Variants in CADM2 observed in about 807,000 individuals in gnomAD.
CADM2 encodes immunoglobulin superfamily member 4D.
A neutral mutation model predicts 49.8 loss-of-function variants in CADM2; 12 were observed. The observed-to-expected ratio is 0.24, with a 90% CI of 0.15 to 0.39. CADM2 has a LOEUF of 0.39. Among genes scored for constraint, CADM2 ranks in the 10% least tolerant of loss-of-function variants. The pLI, the probability that CADM2 is intolerant of heterozygous loss-of-function variation, is 1.00. For synonymous variants in CADM2, 214 were observed against 175.4 expected (o/e 1.22, Z -1.74); for missense variants, 378 against 492.3 (o/e 0.77, Z 2.20).
intron 3 of CADM2, among the ~76,000 whole-genome samples, chr3:85,870,390 G>A (rs1252804260): frequency 6.6e-6 from 1 of 151,806 alleles, no homozygotes; most frequent in African/African-American, 2.4e-5. Flanking sequence ...ATTTTTTCCT[G>A]ATTTCTCCTT....
chr3:85,973,644 A>G (rs1019066057), intron 8 of CADM2, among the ~76,000 whole-genome samples: 1 of 151,804 alleles, frequency 6.6e-6, no homozygotes, highest in Non-Finnish European at 1.5e-5. Context: ...AATAGAGTTT[A>G]CAAACTGATT....
chr3:85,107,130 A>C (rs910181448), intron 1 of CADM2, among the ~76,000 whole-genome samples: 1 of 152,176 alleles, frequency 6.6e-6, no homozygotes, highest in Non-Finnish European at 1.5e-5. Context: ...GCATCAACTA[A>C]AAATTTTCAT....
chr3:85,332,578 C>G (rs2044959862), intron 1 of CADM2, among the ~76,000 whole-genome samples: 1 of 151,802 alleles, frequency 6.6e-6, no homozygotes, highest in Admixed American at 6.6e-5. Flanking sequence ...AGTTGTTGGA[C>G]TTAGTTATAT....
At chr3:85,069,407 A>G (rs887959804) in intron 1 of CADM2, among the ~76,000 whole-genome samples, 5 of 152,150 alleles carry the variant, frequency 3.3e-5, no homozygotes, top group Admixed American at 6.5e-5. Flanking sequence ...GTACTTTTGC[A>G]TATTATGCAT....
rs143666808 is a variant in CADM2 at position 85,760,761 on chromosome 3, T to A, written c.88+34213T>A. ...AGTAATACATTAAGATAAATTATAT[T>A]GAAATCAATTTTCTTAACACATTAT... On this transcript the variant is annotated intron_variant, in intron 2 of 9. Transcript: ENST00000383699. Among the ~76,000 whole-genome samples the A allele has an allele frequency of 1.1e-4, 16 of 152,316 alleles. No homozygotes were observed. In the East Asian group the frequency reaches 2.9e-3, roughly 28 times the overall value.
intron 2 of CADM2, among the ~76,000 whole-genome samples, chr3:85,732,896 A>G (rs998860678): frequency 2.6e-5 from 4 of 152,218 alleles, no homozygotes; most frequent in Non-Finnish European, 5.9e-5. Context: ...AATCTATTAA[A>G]TCCTCTAAAG....
chr3:85,341,090 C>T (rs1266039806), intron 1 of CADM2, among the ~76,000 whole-genome samples: 4 of 151,600 alleles, frequency 2.6e-5, no homozygotes, highest in Non-Finnish European at 4.4e-5. Flanking sequence ...TTCTCTCTTA[C>T]CCCAGTTTTT....
chr3:85,466,811 G>C (rs2038515458), intron 1 of CADM2, among the ~76,000 whole-genome samples: 1 of 151,566 alleles, frequency 6.6e-6, no homozygotes, highest in Non-Finnish European at 1.5e-5. Flanking sequence ...AGTATCAGCT[G>C]ATAGAAAATA....
At chr3:85,580,635 T>C (rs2062767513) in intron 1 of CADM2, among the ~76,000 whole-genome samples, 1 of 152,106 alleles carries the variant, frequency 6.6e-6, no homozygotes, top group African/African-American at 2.4e-5. Flanking sequence ...TAATGACCTA[T>C]TTTTTCTATC....
chr3:85,558,205 G>C (rs116526326), intron 1 of CADM2, among the ~76,000 whole-genome samples: 1 of 151,840 alleles, frequency 6.6e-6, no homozygotes, highest in South Asian at 2.1e-4. Context: ...TGAATGTGAT[G>C]CTCATTAGAT....
chr3:85,425,683 A>C (rs2036367426), intron 1 of CADM2, among the ~76,000 whole-genome samples: 1 of 152,148 alleles, frequency 6.6e-6, no homozygotes, highest in Non-Finnish European at 1.5e-5. Flanking sequence ...TAAATCACCA[A>C]GTGTTGGGTT....
intron 1 of CADM2, among the ~76,000 whole-genome samples, chr3:85,585,590 T>TGGG (rs2062920418): frequency 6.6e-6 from 1 of 152,032 alleles, no homozygotes; most frequent in Non-Finnish European, 1.5e-5. Flanking sequence ...CTATCTGCAC[T>TGGG]TTTAGGCATC....
At chr3:85,239,926 A>G (rs1462365911) in intron 1 of CADM2, among the ~76,000 whole-genome samples, 1 of 151,466 alleles carries the variant, frequency 6.6e-6, no homozygotes, top group Non-Finnish European at 1.5e-5. Flanking sequence ...ATTAATTCCC[A>G]TAAGATTTGA....
chr3:85,172,404 G>C (rs748153291), intron 1 of CADM2, among the ~76,000 whole-genome samples: 21 of 152,276 alleles, frequency 1.4e-4, no homozygotes, highest in Non-Finnish European at 2.8e-4. Context: ...CCCCTTAAGA[G>C]ATGACATGCT....
At chr3:85,574,443 C>G (rs1251781223) in intron 1 of CADM2, among the ~76,000 whole-genome samples, 1 of 152,192 alleles carries the variant, frequency 6.6e-6, no homozygotes, top group Non-Finnish European at 1.5e-5. Context: ...GGTCCACTTA[C>G]TGTCAGTCCA....
chr3:85,427,429 C>T lies in CADM2; in HGVS notation c.62-299093C>T, dbSNP rs558192110. Among the ~76,000 whole-genome samples the T allele has an allele frequency of 2.4e-3, 364 of 151,910 alleles. 2 individuals carry two copies. The highest frequency in any genetic ancestry group is 8.4e-3 in the African/African-American group (348 of 41,416). ...TCTAGATTTTTGAGAGGTTAAGCGT[C>T]TAGGTTTTAGCTTCTTTTCAGAGTA... is the stretch of plus-strand genomic sequence containing the variant. On this transcript the variant is annotated intron_variant, in intron 1 of 9. Transcript: ENST00000383699.
chr3:85,066,608 T>C (rs917803495), intron 1 of CADM2, among the ~76,000 whole-genome samples: 1 of 152,104 alleles, frequency 6.6e-6, no homozygotes, highest in Admixed American at 6.5e-5. Flanking sequence ...GGCTGCTGAA[T>C]GCTCGTCTGA....
At chr3:85,651,200 A>G (rs2065032684) in intron 1 of CADM2, among the ~76,000 whole-genome samples, 1 of 152,176 alleles carries the variant, frequency 6.6e-6, no homozygotes, top group Admixed American at 6.5e-5. Context: ...TTAATGTAAT[A>G]CATTCTGAAA....
intron 1 of CADM2, among the ~76,000 whole-genome samples, chr3:85,680,265 G>A (rs1177664067): frequency 2.0e-5 from 3 of 152,056 alleles, no homozygotes; most frequent in African/African-American, 4.8e-5. Flanking sequence ...ATATATATTT[G>A]TATCATTTTA....
Sources: gnomAD v4.1 joint callset for allele counts (sites outside exome capture counted in the v4.1 genomes callset) on GRCh38, gnomAD v4.1.1 for gene constraint, MANE v1.5 for transcripts, NCBI Gene and HGNC (gene_info 2026-07-23, HGNC 2026-07-21) for gene names.